ITSN2: variants seen among roughly 807,000 people sequenced by gnomAD.
The protein encoded by ITSN2 is intersectin-2.
A neutral mutation model predicts 243.7 loss-of-function variants in ITSN2; 156 were observed. The observed-to-expected ratio is 0.64, with a 90% CI of 0.56 to 0.73. The LOEUF is 0.73. Among genes scored for constraint, ITSN2 ranks in the 30% least tolerant of loss-of-function variants. ITSN2 has a pLI of 0.00. For synonymous variants in ITSN2, 703 were observed against 699.9 expected (o/e 1.00, Z -0.07); for missense variants, 1,801 against 1,996.1 (o/e 0.90, Z 1.86).
At chr2:24,284,922 G>C in intron 16 of ITSN2, 79 bp from the exon 17 acceptor site, 1 of 681,882 alleles carries the variant, frequency 1.5e-6, no homozygotes, top group Non-Finnish European at 2.4e-6. Context: ...TTTTGAGATG[G>C]AGTCTCACTC....
chr2:24,248,668 T>C lies in ITSN2; in HGVS notation c.3249A>G (p.Leu1083=), dbSNP rs1023741576. 5.6e-6 allele frequency: 9 copies of C among 1,611,296 alleles called. No homozygotes were observed. In the African/African-American group the frequency reaches 1.1e-4, roughly 19 times the overall value. The change falls in exon 27 of 40, where the codon CTA becomes CTG. Residue 1083 remains leucine (L), a synonymous_variant. Transcript: ENST00000355123. The part of the protein sequence containing the change: ...SLAPGQLILI[L]KKNTSGWWQG... Reference sequence around the variant, plus strand: ...GCCACCACCCACTTGTATTTTTCTTTAGAATTAATATTAACTGTCCTGGTG... The same window carrying C: ...GCCACCACCCACTTGTATTTTTCTTCAGAATTAATATTAACTGTCCTGGTG...
At chr2:24,302,956 T>C (rs988942151) in intron 9 of ITSN2, among the ~76,000 whole-genome samples, 1 of 152,216 alleles carries the variant, frequency 6.6e-6, no homozygotes, top group Admixed American at 6.5e-5. Flanking sequence ...AAGGACACTG[T>C]AGCTGTCATA....
chr2:24,276,340 C>A (rs1678013191), intron 17 of ITSN2, among the ~76,000 whole-genome samples: 1 of 152,130 alleles, frequency 6.6e-6, no homozygotes, highest in Non-Finnish European at 1.5e-5. Context: ...AAAATCATGA[C>A]CACCATGAGC....
chr2:24,204,167 G>T lies in ITSN2; in HGVS notation c.4936+78C>A. The T allele has an allele frequency of 7.0e-7, 1 of 1,436,096 alleles. No individual in the cohort carries two copies. The allele number at this position is 1,436,096 out of a possible 1,614,324, so 89.0% of individuals were successfully genotyped here. On this transcript the variant is annotated intron_variant, in intron 39 of 39. Transcript: ENST00000355123. The surrounding 1 kb of genome is among the most constrained non-coding windows in gnomAD (Gnocchi z 5.1). ...TGAAGTGGCATGGGGTCTGCACACA[G>T]CTGAAGCCCCTAGATCTGGACTCCA...
At chr2:24,294,085 A>G (rs1680631545) in intron 14 of ITSN2, among the ~76,000 whole-genome samples, 1 of 152,198 alleles carries the variant, frequency 6.6e-6, no homozygotes, top group African/African-American at 2.4e-5. Context: ...GCTAGATGGT[A>G]TGTGTAAGCA....
intron 1 of ITSN2, among the ~76,000 whole-genome samples, chr2:24,357,802 T>C (rs1688586104): frequency 6.6e-6 from 1 of 152,270 alleles, no homozygotes; most frequent in African/African-American, 2.4e-5. Flanking sequence ...AACTTGTTAA[T>C]ATAAATGTTT....
intron 1 of ITSN2, among the ~76,000 whole-genome samples, chr2:24,353,059 A>G (rs1463618312): frequency 4.6e-5 from 7 of 152,234 alleles, no homozygotes; most frequent in Non-Finnish European, 8.8e-5. Context: ...GCCATACAAG[A>G]AAACAAAAGA....
At chr2:24,337,315 A>AAGATATATATATATACATATATATAT (rs1686498779) in intron 1 of ITSN2, among the ~76,000 whole-genome samples, 1 of 32,026 alleles carries the variant, frequency 3.1e-5, no homozygotes, top group Non-Finnish European at 5.7e-5. Flanking sequence ...GTATACACAA[A>AAGATATATATATATACATATATATAT]ATATATATAT....
At chr2:24,212,776 G>A (rs760621877) in intron 32 of ITSN2, 28 bp from the exon 33 acceptor site, 4 of 1,551,474 alleles carry the variant, frequency 2.6e-6, no homozygotes, top group Non-Finnish European at 3.6e-6. Context: ...GGCTCGTGAG[G>A]AAATCACAGC....
At chr2:24,215,163 C>T (rs762195143) in intron 32 of ITSN2, among the ~76,000 whole-genome samples, 5 of 152,222 alleles carry the variant, frequency 3.3e-5, no homozygotes, top group African/African-American at 4.8e-5. Flanking sequence ...CATCACGGAA[C>T]TGATCCTTTC....
chr2:24,223,434 T>C (rs1042642387), intron 29 of ITSN2, among the ~76,000 whole-genome samples: 2 of 151,824 alleles, frequency 1.3e-5, no homozygotes, highest in Non-Finnish European at 2.9e-5. Flanking sequence ...ATCCCAGCAC[T>C]GTGGGAGGCT....
Position 24,248,824 on chromosome 2 carries a change from C to A in ITSN2, c.3166+13G>T. 1 of 1,613,688 alleles carries A rather than the reference C, an allele frequency of 6.2e-7. No homozygotes were observed. Among genetic ancestry groups the A allele is most frequent in the African/African-American group, 1.3e-5 (1 of 75,024 alleles). On this transcript the variant is annotated intron_variant, in intron 26 of 39. Coordinates refer to ENST00000355123, the MANE Select transcript of ITSN2 (RefSeq NM_006277.3). Reference sequence around the variant, plus strand: ...ACACGTTAGTAATTTTTTAAGATCACTACTATACGTACCAGGTTTTTTATT... The same window carrying A: ...ACACGTTAGTAATTTTTTAAGATCAATACTATACGTACCAGGTTTTTTATT...
intron 29 of ITSN2, among the ~76,000 whole-genome samples, chr2:24,234,604 A>G (rs887765815): frequency 2.0e-5 from 3 of 152,358 alleles, no homozygotes; most frequent in Middle Eastern, 3.4e-3. Flanking sequence ...CGTATCTGAT[A>G]AAGAACTATT....
At chr2:24,306,673 T>C (rs562356086) in intron 8 of ITSN2, among the ~76,000 whole-genome samples, 1 of 152,280 alleles carries the variant, frequency 6.6e-6, no homozygotes, top group South Asian at 2.1e-4. Flanking sequence ...TGAAAACAAA[T>C]AACTTCTTTT....
intron 31 of ITSN2, among the ~76,000 whole-genome samples, chr2:24,217,616 C>A (rs1288677132): frequency 1.3e-5 from 2 of 152,182 alleles, no homozygotes; most frequent in Admixed American, 6.5e-5. Flanking sequence ...GACTCTTCTG[C>A]CCTGCCAGGG....
intron 23 of ITSN2, among the ~76,000 whole-genome samples, chr2:24,257,312 C>G (rs1675183059): frequency 6.6e-6 from 1 of 152,006 alleles, no homozygotes; most frequent in Non-Finnish European, 1.5e-5. Context: ...GAGTGAGACC[C>G]TGTCTCAAAA....
At chr2:24,298,920 G>T in intron 12 of ITSN2, 106 bp from the exon 13 acceptor site, 1 of 973,620 alleles carries the variant, frequency 1.0e-6, no homozygotes, top group Non-Finnish European at 1.5e-6. Context: ...GCACTTAGTG[G>T]CTTTAGTGCC....
At chr2:24,247,459 A>G (rs1182961627) in intron 27 of ITSN2, among the ~76,000 whole-genome samples, 1 of 152,216 alleles carries the variant, frequency 6.6e-6, no homozygotes, top group Admixed American at 6.5e-5. Context: ...TAATAGCTGT[A>G]GTGAGTTCTG....
At chr2:24,270,574 G>A in intron 20 of ITSN2, 97 bp downstream of exon 20, 2 of 659,160 alleles carry the variant, frequency 3.0e-6, no homozygotes, top group Non-Finnish European at 5.3e-6. Flanking sequence ...TTTTACAAAG[G>A]TAAATATATG....
Sources: gnomAD v4.1 joint callset for allele counts (sites outside exome capture counted in the v4.1 genomes callset) on GRCh38, gnomAD v4.1.1 for gene constraint, Gnocchi (gnomAD v3.1) non-coding constraint, MANE v1.5 for transcripts, NCBI Gene and HGNC (gene_info 2026-07-23, HGNC 2026-07-21) for gene names.